SFTPD: variants seen among roughly 807,000 people sequenced by gnomAD.
The protein encoded by SFTPD is surfactant protein D.
In SFTPD, 18 loss-of-function variants were observed where a neutral mutation model predicts 34.6. The ratio of observed to expected loss-of-function variants is 0.52; its 90% CI spans 0.36 to 0.77. The LOEUF is 0.77. Among genes scored for constraint, SFTPD ranks in the 30% least tolerant of loss-of-function variants. The probability of loss-of-function intolerance (pLI) is 0.00; values close to 1 mark genes in which losing one functional copy is unlikely to be tolerated. For synonymous variants in SFTPD, 155 were observed against 180.9 expected (o/e 0.86, Z 1.15); for missense variants, 433 against 468.9 (o/e 0.92, Z 0.71).
At chr10:79,942,908 C>G (rs1251203688) in intron 2 of SFTPD, 29 bp from the exon 3 acceptor site, 1 of 1,481,942 alleles carries the variant, frequency 6.7e-7, no homozygotes, top group African/African-American at 1.4e-5. Flanking sequence ...TGGACAAAGA[C>G]CTGGCCCTAG....
At chr10:79,945,374 G>A (rs1373662403) in intron 2 of SFTPD, among the ~76,000 whole-genome samples, 1 of 152,110 alleles carries the variant, frequency 6.6e-6, no homozygotes, top group Non-Finnish European at 1.5e-5. Context: ...CTTTCTGTCT[G>A]TAAGGGATAG....
chr10:79,940,411 G>C (rs1053940161), intron 7 of SFTPD, among the ~76,000 whole-genome samples: 4 of 152,310 alleles, frequency 2.6e-5, no homozygotes, highest in Non-Finnish European at 5.9e-5. Context: ...CTGCCAGCCT[G>C]GTGAGCTGGT....
At chr10:79,952,248 C>T (rs533842367), upstream of SFTPD, among the ~76,000 whole-genome samples, 2 of 152,348 alleles carry the variant, frequency 1.3e-5, no homozygotes, top group African/African-American at 2.4e-5. Context: ...CCAGCAGGCA[C>T]CCCATCAATG....
Position 79,937,808 on chromosome 10 carries a change from G to T in SFTPD, c.*44C>A, listed in dbSNP as rs754103335. Reference sequence around the variant, plus strand: ...ATGAGGGTCTAAGCCTTGACTTCTGGCCAAACTCCTGGGCCAAGCACTGCC... The same window carrying T: ...ATGAGGGTCTAAGCCTTGACTTCTGTCCAAACTCCTGGGCCAAGCACTGCC... On this transcript the variant is annotated 3_prime_UTR_variant, in exon 8 of 8. Coordinates refer to ENST00000372292, the MANE Select transcript of SFTPD (RefSeq NM_003019.5). 1.2e-5 allele frequency: 18 copies of T among 1,506,362 alleles called. No individual in the cohort carries two copies. The highest frequency in any genetic ancestry group is 1.5e-5 in the Non-Finnish European group (17 of 1,125,536). 93.3% of individuals were successfully genotyped at this position (1,506,362 alleles called of 1,614,324 possible).
At position 79,938,012 on chromosome 10, in the gene SFTPD, T is replaced by C. The variant is rs752625861; in HGVS notation, c.968A>G (p.Lys323Arg). The change falls in exon 8 of 8, where the codon AAG (lysine) becomes AGG (arginine). Residue 323 changes from lysine (K) to arginine (R), a missense_variant. Physicochemically the swap from Lys to Arg is conservative, Grantham distance 26 (BLOSUM62 2). Transcript: ENST00000372292. Reference sequence around the variant, plus strand: ...GGACTCTCCTGTGGGGTAGGTGAACTTGCCCTCTGTCTTGGAATCAGTCAT... The same window carrying C: ...GGACTCTCCTGTGGGGTAGGTGAACCTGCCCTCTGTCTTGGAATCAGTCAT... Reference protein sequence around the residue: ...LSMTDSKTEGKFTYPTGESLV... With the variant: ...LSMTDSKTEGRFTYPTGESLV... The C allele has an allele frequency of 6.2e-7, 1 of 1,613,974 alleles. No homozygotes were observed. The highest frequency in any genetic ancestry group is 8.5e-7 in the Non-Finnish European group (1 of 1,179,840).
rs375014531 is a variant in SFTPD at position 79,938,493 on chromosome 10, A to G, written c.752-265T>C. Among the ~76,000 whole-genome samples the G allele has an allele frequency of 8.5e-5, 13 of 152,302 alleles. No individual in the cohort carries two copies. In the East Asian group the frequency reaches 1.4e-3, roughly 16 times the overall value. On this transcript the variant is annotated intron_variant, in intron 7 of 7. Transcript: ENST00000372292. Reference sequence around the variant, plus strand: ...AGAGGCTCAAAGTCACACAAGCAGCAAACGTGCAGTTAGGAATTCAACCTC... The same window carrying G: ...AGAGGCTCAAAGTCACACAAGCAGCGAACGTGCAGTTAGGAATTCAACCTC...
intron 7 of SFTPD, among the ~76,000 whole-genome samples, chr10:79,940,449 C>A (rs906237096): frequency 3.9e-5 from 6 of 152,158 alleles, no homozygotes; most frequent in African/African-American, 1.4e-4. Context: ...CCTCCTTTGC[C>A]CCCTTGGATC....
chr10:79,957,516 G>A (rs894105864), intron 1 of SFTPD, among the ~76,000 whole-genome samples: 9 of 152,196 alleles, frequency 5.9e-5, no homozygotes, highest in African/African-American at 2.4e-5. Flanking sequence ...GAAGCCTCAG[G>A]AGCTGATGCG....
upstream of SFTPD, chr10:79,950,612 G>A (rs184345742): frequency 6.6e-6 from 1 of 152,300 alleles, no homozygotes; most frequent in African/African-American, 2.4e-5. Context: ...CTTTTAGGAT[G>A]TTTTCCTTCA....
chr10:79,966,524 G>T (rs1309351821), intron 1 of SFTPD, among the ~76,000 whole-genome samples: 3 of 138,800 alleles, frequency 2.2e-5, no homozygotes, highest in Non-Finnish European at 4.5e-5. Flanking sequence ...TTTCTCCCAT[G>T]TTGTAGATTG....
chr10:79,979,208 A>G (rs1232113136), intron 1 of SFTPD, among the ~76,000 whole-genome samples: 1 of 152,206 alleles, frequency 6.6e-6, no homozygotes, highest in African/African-American at 2.4e-5. Flanking sequence ...TGATCTGTAC[A>G]CTGAAAAACA....
chr10:79,941,119 T>C (rs928253521), intron 6 of SFTPD, among the ~76,000 whole-genome samples: 1 of 152,342 alleles, frequency 6.6e-6, no homozygotes, highest in East Asian at 1.9e-4. Context: ...ACTGGGTTTT[T>C]AATGCCCAAA....
intron 1 of SFTPD, chr10:79,973,279 C>T (rs1842845712): frequency 6.6e-6 from 1 of 152,024 alleles, no homozygotes; most frequent in Non-Finnish European, 1.5e-5. Context: ...TCCAAGGATA[C>T]ATCATGGATC....
chr10:79,982,267 C>T, intron 1 of SFTPD: 3 of 961,006 alleles, frequency 3.1e-6, no homozygotes, highest in Admixed American at 4.5e-5. Flanking sequence ...GCGGCGGGGG[C>T]GCTCGGGCCA....
chr10:79,958,608 T>A (rs1203681253), intron 1 of SFTPD, among the ~76,000 whole-genome samples: 1 of 152,124 alleles, frequency 6.6e-6, no homozygotes, highest in Non-Finnish European at 1.5e-5. Flanking sequence ...CCTAAATATA[T>A]ACGCACCCAA....
At chr10:79,941,613 C>A in intron 5 of SFTPD, 99 bp from the exon 6 acceptor site, 1 of 900,282 alleles carries the variant, frequency 1.1e-6, no homozygotes. Context: ...ATCCTTATTG[C>A]CCAGAAATAG....
At chr10:79,949,803 A>G (rs1244805428), upstream of SFTPD, among the ~76,000 whole-genome samples, 3 of 151,274 alleles carry the variant, frequency 2.0e-5, no homozygotes, top group East Asian at 5.8e-4. Flanking sequence ...TCTTGTAACT[A>G]GTTAGGACCC....
In SFTPD at chr10:79,946,637, G is replaced by A. The variant is rs936929232; in HGVS notation, c.23C>T (p.Ala8Val). 3 of 1,614,194 alleles carry A rather than the reference G, an allele frequency of 1.9e-6. No homozygotes were observed. The highest frequency in any genetic ancestry group is 1.6e-4 in the Middle Eastern group (1 of 6,062). Residue 8 changes from alanine to valine, a missense_variant, in exon 2 of 8, where the codon GCA (alanine) becomes GTA (valine). Physicochemically the swap from Ala to Val is moderately conservative, Grantham distance 64. Transcript: ENST00000372292. MLLFLLS[A>V]LVLLTQPLGY... Reference sequence around the variant, plus strand: ...CAGGGGCTGTGTGAGCAGGACCAGTGCAGAGAGGAGGAAGAGCAGCATGGC... The same window carrying A: ...CAGGGGCTGTGTGAGCAGGACCAGTACAGAGAGGAGGAAGAGCAGCATGGC...
rs1470476193 is a variant in SFTPD at position 79,946,469 on chromosome 10, C to CCCTTCTCGCCCCGAGGGCCCTCTCT, written c.166_190dup (p.Gly64GlufsTer110). On this transcript the variant is annotated frameshift_variant, in exon 2 of 8. Transcript: ENST00000372292. LOFTEE classifies it high-confidence loss of function. ...CCAGGGCCCCACCCTACCTGGGTCC[C>CCCTTCTCGCCCCGAGGGCCCTCTCT]CCTTCTCGCCCCGAGGGCCCTCTCT... 6.2e-7 allele frequency: 1 copy of CCCTTCTCGCCCCGAGGGCCCTCTCT among 1,613,732 alleles called. No homozygotes were observed. Among genetic ancestry groups the CCCTTCTCGCCCCGAGGGCCCTCTCT allele is most frequent in the South Asian group, 1.1e-5 (1 of 91,082 alleles).
Sources: gnomAD v4.1 joint callset for allele counts (sites outside exome capture counted in the v4.1 genomes callset) on GRCh38, gnomAD v4.1.1 for gene constraint, MANE v1.5 for transcripts, NCBI Gene and HGNC (gene_info 2026-07-23, HGNC 2026-07-21) for gene names.